Variants in RBFOX1 observed in about 807,000 individuals in gnomAD.
RBFOX1 encodes RNA binding protein fox-1 homolog 1.
Under a neutral mutation model 57.7 loss-of-function variants are expected in RBFOX1, and 8 were observed. The observed-to-expected ratio is 0.14, with a 90% confidence interval of 0.08 to 0.25. RBFOX1 has a LOEUF of 0.25. RBFOX1 is among the 10% of genes least tolerant of loss of function. The pLI, the probability that RBFOX1 is intolerant of heterozygous loss-of-function variation, is 1.00. For synonymous variants in RBFOX1, 326 were observed against 222.4 expected (o/e 1.47, Z -4.15); for missense variants, 611 against 548.5 (o/e 1.11, Z -1.14).
intron 3 of RBFOX1, among the ~76,000 whole-genome samples, chr16:6,987,306 C>G (rs954014137): frequency 6.6e-6 from 1 of 152,054 alleles, no homozygotes; most frequent in Non-Finnish European, 1.5e-5. Flanking sequence ...GGTTCAGTCC[C>G]TGAAGTTTTC....
chr16:6,530,150 C>T (rs574069315), intron 2 of RBFOX1, among the ~76,000 whole-genome samples: 3 of 152,102 alleles, frequency 2.0e-5, no homozygotes, highest in African/African-American at 7.2e-5. Flanking sequence ...CTTCTTTTAT[C>T]TTAGAATGAA....
intron 2 of RBFOX1, among the ~76,000 whole-genome samples, chr16:6,529,541 A>G (rs564536113): frequency 6.6e-6 from 1 of 151,270 alleles, no homozygotes; most frequent in East Asian, 1.9e-4. Flanking sequence ...CCTGGGTGAC[A>G]GAGACTCCAT....
intron 4 of RBFOX1, among the ~76,000 whole-genome samples, chr16:7,069,011 G>C (rs2056766124): frequency 6.6e-6 from 1 of 152,186 alleles, no homozygotes; most frequent in African/African-American, 2.4e-5. Flanking sequence ...TGTCACTTAA[G>C]TGCTAAGTAA....
chr16:6,517,990 T>A (rs982853226), intron 2 of RBFOX1, among the ~76,000 whole-genome samples: 1 of 152,182 alleles, frequency 6.6e-6, no homozygotes, highest in Non-Finnish European at 1.5e-5. Flanking sequence ...TGAGACCCAC[T>A]GAGTTAAATG....
At chr16:5,949,940 C>A (rs1433423560) in intron 4 of RBFOX1, among the ~76,000 whole-genome samples, 1 of 152,142 alleles carries the variant, frequency 6.6e-6, no homozygotes, top group East Asian at 1.9e-4. Context: ...ACTGGCCCCC[C>A]AGATGAGATT....
chr16:5,916,645 G>C (rs2058709683), intron 4 of RBFOX1, among the ~76,000 whole-genome samples: 1 of 152,142 alleles, frequency 6.6e-6, no homozygotes, highest in Admixed American at 6.5e-5. Flanking sequence ...CCTCCTAGAA[G>C]GGAGACATAA....
intron 2 of RBFOX1, among the ~76,000 whole-genome samples, chr16:6,591,112 G>C (rs1375511033): frequency 6.6e-6 from 1 of 152,126 alleles, no homozygotes; most frequent in East Asian, 1.9e-4. Flanking sequence ...CTTTGTCTAA[G>C]AGTTCGCACA....
At chr16:6,862,368 C>G (rs554858200) in intron 3 of RBFOX1, among the ~76,000 whole-genome samples, 3 of 152,212 alleles carry the variant, frequency 2.0e-5, no homozygotes, top group African/African-American at 4.8e-5. Flanking sequence ...TTTTGAACAC[C>G]AAGGCCCCAG....
intron 1 of RBFOX1, among the ~76,000 whole-genome samples, chr16:5,285,535 G>A (rs781039798): frequency 1.3e-5 from 2 of 151,984 alleles, no homozygotes; most frequent in African/African-American, 2.4e-5. Flanking sequence ...CATATTTCTT[G>A]CATCCTTATG....
intron 4 of RBFOX1, among the ~76,000 whole-genome samples, chr16:7,320,206 T>A (rs1347058950): frequency 1.6e-4 from 25 of 152,170 alleles, no homozygotes; most frequent in Admixed American, 1.6e-3. Context: ...GTTCATCAGC[T>A]ATTTATCCTG....
At chr16:5,955,222 A>G (rs963708958) in intron 4 of RBFOX1, among the ~76,000 whole-genome samples, 4 of 144,456 alleles carry the variant, frequency 2.8e-5, no homozygotes, top group Admixed American at 2.1e-4. Context: ...CTGAGGCTGT[A>G]GTGAGCCAAG....
intron 3 of RBFOX1, among the ~76,000 whole-genome samples, chr16:6,899,862 G>C (rs1351497919): frequency 6.6e-6 from 1 of 152,184 alleles, no homozygotes; most frequent in African/African-American, 2.4e-5. Flanking sequence ...TAATAGTAGG[G>C]CCATGTCCAG....
chr16:7,128,089 C>T (rs943516265), intron 4 of RBFOX1, among the ~76,000 whole-genome samples: 2 of 152,170 alleles, frequency 1.3e-5, no homozygotes, highest in Admixed American at 1.3e-4. Flanking sequence ...TCAAGTGATG[C>T]AGCAGCTCCA....
chr16:5,437,713 C>G (rs560563289), intron 1 of RBFOX1, among the ~76,000 whole-genome samples: 16 of 152,266 alleles, frequency 1.1e-4, no homozygotes, highest in African/African-American at 3.9e-4. Context: ...AAAAAAATAT[C>G]AGAAGAAACT....
At chr16:7,199,575 A>C (rs922253214) in intron 4 of RBFOX1, among the ~76,000 whole-genome samples, 7 of 152,162 alleles carry the variant, frequency 4.6e-5, no homozygotes, top group African/African-American at 1.7e-4. Flanking sequence ...TCAGCCAATA[A>C]TCTGATCAGG....
Position 6,554,859 on chromosome 16 carries a change from C to T in RBFOX1, c.-63-99744C>T, listed in dbSNP as rs950559585. On this transcript the variant is annotated intron_variant, in intron 2 of 15. Coordinates refer to ENST00000550418, the MANE Select transcript of RBFOX1 (RefSeq NM_018723.4). The stretch of plus-strand genomic sequence containing the variant: ...ACTCTCCCTCTCACTCTCGCTCTGT[C>T]GCTCTCTCTCTCACTCATGAGTGCT... Among the ~76,000 whole-genome samples, 5 of 147,886 alleles carry T rather than the reference C, an allele frequency of 3.4e-5. No homozygotes were observed. The South Asian group carries it at 6.2e-4, about 18-fold the overall frequency.
chr16:6,604,410 T>C (rs9933600), intron 2 of RBFOX1, among the ~76,000 whole-genome samples: 81,465 of 151,912 alleles, frequency 0.54, 22,451 homozygotes, highest in East Asian at 0.66. Flanking sequence ...GTCTTGCATT[T>C]AAGTGATCTT....
intron 3 of RBFOX1, among the ~76,000 whole-genome samples, chr16:5,853,068 C>T (rs1338561737): frequency 6.6e-6 from 1 of 151,998 alleles, no homozygotes; most frequent in Admixed American, 6.5e-5. Flanking sequence ...TCAGACTAGC[C>T]CTAGGAAAAG....
chr16:6,855,615 T>G (rs1362667100), intron 3 of RBFOX1, among the ~76,000 whole-genome samples: 1 of 148,410 alleles, frequency 6.7e-6, no homozygotes, highest in Non-Finnish European at 1.5e-5. Context: ...ATCGCACCAC[T>G]TCACTCCAGC....
Sources: gnomAD v4.1 joint callset for allele counts (sites outside exome capture counted in the v4.1 genomes callset) on GRCh38, gnomAD v4.1.1 for gene constraint, MANE v1.5 for transcripts, NCBI Gene and HGNC (gene_info 2026-07-23, HGNC 2026-07-21) for gene names.